The following CKMT2 variants were observed in gnomAD, a reference collection of about 807,000 sequenced individuals.
The protein encoded by CKMT2 is creatine kinase, mitochondrial 2, also known as creatine kinase S-type, mitochondrial.
A neutral mutation model predicts 48.9 loss-of-function variants in CKMT2; 43 were observed. That is an observed-to-expected ratio of 0.88 (90% CI 0.69 to 1.13). The LOEUF is 1.13. Among genes scored for constraint, CKMT2 ranks in the 50% most tolerant of loss-of-function variants. The pLI is 0.00. For synonymous variants in CKMT2, 206 were observed against 213.0 expected (o/e 0.97, Z 0.29); for missense variants, 472 against 555.4 (o/e 0.85, Z 1.51).
intron 1 of CKMT2, among the ~76,000 whole-genome samples, chr5:81,248,718 G>A (rs1207736488): frequency 6.6e-6 from 1 of 152,174 alleles, no homozygotes; most frequent in Non-Finnish European, 1.5e-5. Context: ...ATATTAGCAC[G>A]GAAGAAGAAC....
At chr5:81,257,525 C>A (rs1757055716) in intron 6 of CKMT2, among the ~76,000 whole-genome samples, 1 of 152,138 alleles carries the variant, frequency 6.6e-6, no homozygotes, top group South Asian at 2.1e-4. Context: ...AAAAACATGA[C>A]ATCTTTTAGG....
At chr5:81,258,994 A>G (rs1757112924) in intron 7 of CKMT2, 126 bp from the exon 8 acceptor site, 1 of 899,146 alleles carries the variant, frequency 1.1e-6, no homozygotes, top group Non-Finnish European at 1.7e-6. Flanking sequence ...AAGGAGTACT[A>G]TAAATTTACC....
chr5:81,235,327 G>A (rs1231698840), intron 1 of CKMT2, among the ~76,000 whole-genome samples: 1 of 152,186 alleles, frequency 6.6e-6, no homozygotes, highest in East Asian at 1.9e-4. Context: ...GAACTGGGAG[G>A]AGACAGGCAT....
chr5:81,236,465 A>C (rs1490166439), intron 1 of CKMT2, among the ~76,000 whole-genome samples: 4 of 152,218 alleles, frequency 2.6e-5, no homozygotes, highest in Non-Finnish European at 4.4e-5. Flanking sequence ...CCCCATGCCC[A>C]AAATAAAGCA....
chr5:81,234,021 T>TAAAAAA (rs536455571), intron 1 of CKMT2, among the ~76,000 whole-genome samples: 1 of 91,906 alleles, frequency 1.1e-5, no homozygotes, highest in East Asian at 3.2e-4. Flanking sequence ...GGAGGTTAAT[T>TAAAAAA]AAAAAAAAAA....
At chr5:81,248,563 T>C (rs1756689441) in intron 1 of CKMT2, among the ~76,000 whole-genome samples, 1 of 152,212 alleles carries the variant, frequency 6.6e-6, no homozygotes, top group African/African-American at 2.4e-5. Context: ...TGACCTGAAA[T>C]CTAGCAGGGG....
chr5:81,257,519 A>C (rs1757055410), intron 6 of CKMT2, among the ~76,000 whole-genome samples: 1 of 152,210 alleles, frequency 6.6e-6, no homozygotes, highest in African/African-American at 2.4e-5. Context: ...TTTGGTAAAA[A>C]CATGACATCT....
intron 8 of CKMT2, chr5:81,259,533 C>CT (rs2112820201): frequency 3.6e-6 from 1 of 273,984 alleles, no homozygotes; most frequent in South Asian, 1.6e-4. Flanking sequence ...CTCTCTGGTT[C>CT]TTTCTATCTC....
chr5:81,259,641 G>A (rs1757140202), intron 8 of CKMT2, among the ~76,000 whole-genome samples: 1 of 152,164 alleles, frequency 6.6e-6, no homozygotes, highest in Non-Finnish European at 1.5e-5. Context: ...GGCCCCACCT[G>A]CAGAATTCAC....
chr5:81,250,978 C>CAG (rs962923733), intron 1 of CKMT2, 135 bp from the exon 2 acceptor site: 8 of 646,412 alleles, frequency 1.2e-5, no homozygotes, highest in Middle Eastern at 4.3e-4. Context: ...CACACACACA[C>CAG]AGAAAGAGAG....
chr5:81,257,374 G>A (rs750955341), intron 6 of CKMT2, among the ~76,000 whole-genome samples: 15 of 151,248 alleles, frequency 9.9e-5, no homozygotes, highest in Admixed American at 3.3e-4. Flanking sequence ...ACCCCCACCC[G>A]CTTTTTAGAG....
intron 1 of CKMT2, chr5:81,244,070 T>G (rs1363868022): frequency 2.0e-6 from 2 of 985,308 alleles, no homozygotes; most frequent in Non-Finnish European, 2.4e-6. Context: ...CTTTGTCCCG[T>G]TTCACACTAA....
chr5:81,257,696 C>G (rs1035567750), intron 6 of CKMT2, 37 bp from the exon 7 acceptor site: 14 of 1,579,564 alleles, frequency 8.9e-6, no homozygotes, highest in Non-Finnish European at 1.2e-5. Context: ...GAAACAAATG[C>G]AATTAACACT....
At chr5:81,254,576 C>CTG (rs1381665430) in intron 4 of CKMT2, 85 bp downstream of exon 4, 3 of 1,187,650 alleles carry the variant, frequency 2.5e-6, no homozygotes, top group Admixed American at 3.6e-5. Flanking sequence ...GGGTTCCCCG[C>CTG]TGTAAGTCAG....
rs752527979 is a variant in CKMT2 at position 81,251,128 on chromosome 5, G to C, written c.-5G>C. 1.2e-6 allele frequency: 2 copies of C among 1,613,510 alleles called. No individual in the cohort carries two copies. Among genetic ancestry groups the C allele is most frequent in the African/African-American group, 1.3e-5 (1 of 74,882 alleles). On this transcript the variant is annotated 5_prime_UTR_variant, in exon 2 of 10. Transcript: ENST00000254035. ...TGCTTTCCAGACACTCATCCAAGAG[G>C]AAGGATGGCCAGTATCTTTTCTAAG...
At chr5:81,248,230 G>A (rs4704711) in intron 1 of CKMT2, among the ~76,000 whole-genome samples, 76,800 of 152,060 alleles carry the variant, frequency 0.51, 20,592 homozygotes, top group African/African-American at 0.67. Flanking sequence ...ATAGGGACCA[G>A]GACATTTGGG....
At chr5:81,239,046 G>C (rs1756346908) in intron 1 of CKMT2, 1 of 152,162 alleles carries the variant, frequency 6.6e-6, no homozygotes. Context: ...ATGGATGAAA[G>C]AGCTTCCAGG....
At chr5:81,257,922 A>G in intron 7 of CKMT2, 66 bp downstream of exon 7, 1 of 1,484,262 alleles carries the variant, frequency 6.7e-7, no homozygotes, top group Non-Finnish European at 9.1e-7. Context: ...TTGTTCTTGA[A>G]AGAAGACACT....
intron 8 of CKMT2, among the ~76,000 whole-genome samples, chr5:81,261,321 C>G (rs1757215747): frequency 6.6e-6 from 1 of 152,194 alleles, no homozygotes. Flanking sequence ...TCCCACCACT[C>G]CTATTCAACA....
Sources: gnomAD v4.1 joint callset for allele counts (sites outside exome capture counted in the v4.1 genomes callset) on GRCh38, gnomAD v4.1.1 for gene constraint, MANE v1.5 for transcripts, NCBI Gene and HGNC (gene_info 2026-07-23, HGNC 2026-07-21) for gene names.